The following P3H2 variants were observed in gnomAD, a reference collection of about 807,000 sequenced individuals.
P3H2 encodes the protein prolyl 3-hydroxylase 2.
A neutral mutation model predicts 87.0 loss-of-function variants in P3H2; 80 were observed. That is an observed-to-expected ratio of 0.92 (90% CI 0.77 to 1.11). The LOEUF (loss-of-function observed/expected upper bound fraction) is 1.11. Among genes scored for constraint, P3H2 ranks in the 50% least tolerant of loss-of-function variants. The pLI is 0.00. For missense variants in P3H2, 1,001 were observed against 923.9 expected (o/e 1.08, Z -1.08); for synonymous variants, 367 against 359.3 (o/e 1.02, Z -0.24).
chr3:190,116,240 A>T (rs1359148642), intron 1 of P3H2, among the ~76,000 whole-genome samples: 1 of 152,206 alleles, frequency 6.6e-6, no homozygotes, highest in Non-Finnish European at 1.5e-5. Context: ...CATGTAGAAG[A>T]GGAAGAGGAA....
intron 14 of P3H2, 92 bp from the exon 15 acceptor site, chr3:189,958,096 G>A: frequency 3.4e-6 from 3 of 887,260 alleles, no homozygotes; most frequent in Non-Finnish European, 5.7e-6. Context: ...GCATCCATCT[G>A]TACATGGGTT....
At chr3:189,980,911 T>A (rs942288769) in intron 8 of P3H2, among the ~76,000 whole-genome samples, 1 of 152,228 alleles carries the variant, frequency 6.6e-6, no homozygotes, top group African/African-American at 2.4e-5. Flanking sequence ...GTGAAACTTT[T>A]AGCCCCACCC....
In P3H2 at chr3:190,116,368, C is replaced by T. The variant is rs914743618; in HGVS notation, c.480+3884G>A. On this transcript the variant is annotated intron_variant, in intron 1 of 14. Coordinates refer to ENST00000319332, the MANE Select transcript of P3H2 (RefSeq NM_018192.4). ...TCTTAAACTTAACTTAAAATAGGAA[C>T]GTAGGCCCCATTATTTCCCCATTTT... Among the ~76,000 whole-genome samples the T allele has an allele frequency of 3.1e-4, 47 of 152,224 alleles. 1 individual carries two copies. The highest frequency in any genetic ancestry group is 1.1e-3 in the African/African-American group (45 of 41,516).
intron 4 of P3H2, among the ~76,000 whole-genome samples, chr3:189,988,578 AAAT>A (rs1723778634): frequency 6.6e-6 from 1 of 152,206 alleles, no homozygotes; most frequent in African/African-American, 2.4e-5. Context: ...CCAGGATAAT[AAAT>A]AATGTTTTGT....
chr3:190,051,235 G>C (rs6768406), intron 1 of P3H2, among the ~76,000 whole-genome samples: 35,524 of 152,162 alleles, frequency 0.23, 7,109 homozygotes, highest in African/African-American at 0.55. Context: ...GATGAGAAAA[G>C]AGTGAAGAGG....
chr3:190,040,617 A>G (rs1725576648), intron 1 of P3H2, among the ~76,000 whole-genome samples: 2 of 152,178 alleles, frequency 1.3e-5, no homozygotes. Flanking sequence ...GAATGGTGAT[A>G]ATATTGCCTT....
At chr3:190,064,952 T>C (rs1260957199) in intron 1 of P3H2, among the ~76,000 whole-genome samples, 3 of 152,114 alleles carry the variant, frequency 2.0e-5, no homozygotes, top group Non-Finnish European at 4.4e-5. Flanking sequence ...GCTAATTCCA[T>C]CTTCTAGGAA....
chr3:189,971,934 G>A lies in P3H2; in HGVS notation c.1773C>T (p.Asn591=), dbSNP rs75714029. The change falls in exon 12 of 15, where the codon AAC becomes AAT. Residue 591 remains asparagine, a synonymous_variant. Transcript: ENST00000319332. ...AAGCAGGAGGCTCCTTCCAGCATTCGTTGGCCTCTGGATCCAACAAACAGT... is the reference window on the plus strand; with the variant it reads ...AAGCAGGAGGCTCCTTCCAGCATTCATTGGCCTCTGGATCCAACAAACAGT... ...ADNCLLDPEA[N]ECWKEPPAYT... is the part of the protein sequence containing the mutation. 507 of 1,613,390 alleles carry A rather than the reference G, an allele frequency of 3.1e-4. No homozygotes were observed. The African/African-American group carries it at 3.6e-3, about 11-fold the overall frequency.
At chr3:190,097,333 A>G (rs1727619130) in intron 1 of P3H2, among the ~76,000 whole-genome samples, 1 of 152,204 alleles carries the variant, frequency 6.6e-6, no homozygotes, top group Admixed American at 6.5e-5. Context: ...TTTCCCCAAT[A>G]CTGATTCTTC....
At chr3:190,089,327 C>T (rs1727336276) in intron 1 of P3H2, among the ~76,000 whole-genome samples, 1 of 152,098 alleles carries the variant, frequency 6.6e-6, no homozygotes, top group Non-Finnish European at 1.5e-5. Context: ...ATGTAACAAA[C>T]CTGCACGTTG....
At chr3:189,976,086 A>C (rs1214614431) in intron 8 of P3H2, among the ~76,000 whole-genome samples, 1 of 34,970 alleles carries the variant, frequency 2.9e-5, no homozygotes, top group African/African-American at 7.1e-5. Flanking sequence ...TTCTGAAAAT[A>C]AAAAGCTACC....
At chr3:190,064,652 G>A (rs139259808) in intron 1 of P3H2, among the ~76,000 whole-genome samples, 1,575 of 152,126 alleles carry the variant, frequency 0.01, 11 homozygotes, top group Middle Eastern at 0.027. Context: ...GCAAAAATGG[G>A]TATATCTGAG....
At chr3:190,036,168 T>C (rs911599256) in intron 1 of P3H2, among the ~76,000 whole-genome samples, 1 of 152,204 alleles carries the variant, frequency 6.6e-6, no homozygotes, top group African/African-American at 2.4e-5. Context: ...AGTCACAGTT[T>C]GTCTCCCTTT....
At chr3:190,057,764 A>C (rs1455865285) in intron 1 of P3H2, among the ~76,000 whole-genome samples, 1 of 152,182 alleles carries the variant, frequency 6.6e-6, no homozygotes, top group East Asian at 1.9e-4. Context: ...GGCTACTAAG[A>C]GCATTTTTCC....
At chr3:190,036,912 G>C (rs939837122) in intron 1 of P3H2, among the ~76,000 whole-genome samples, 1 of 150,056 alleles carries the variant, frequency 6.7e-6, no homozygotes, top group Non-Finnish European at 1.5e-5. Context: ...ATCATTCTTT[G>C]AGAAACTATG....
At chr3:190,028,916 G>A (rs570510792) in intron 1 of P3H2, among the ~76,000 whole-genome samples, 1 of 152,324 alleles carries the variant, frequency 6.6e-6, no homozygotes, top group South Asian at 2.1e-4. Context: ...AGGATGATAT[G>A]TTTGTACTTG....
chr3:189,986,585 A>G (rs896029436), intron 6 of P3H2, among the ~76,000 whole-genome samples: 5 of 152,134 alleles, frequency 3.3e-5, no homozygotes, highest in Non-Finnish European at 5.9e-5. Flanking sequence ...GCGAGACTCC[A>G]TCTCAAAATA....
chr3:189,993,588 T>A (rs182522686), intron 3 of P3H2, among the ~76,000 whole-genome samples: 238 of 152,218 alleles, frequency 1.6e-3, no homozygotes, highest in African/African-American at 5.1e-3. Flanking sequence ...TAAAACATTT[T>A]AAGTAGTTGA....
chr3:189,983,385 A>G (rs953947635), intron 7 of P3H2: 1 of 514,656 alleles, frequency 1.9e-6, no homozygotes, highest in Non-Finnish European at 3.5e-6. Flanking sequence ...AATTGTATGC[A>G]TAACATAACT....
Sources: allele counts gnomAD v4.1 joint callset (sites outside exome capture counted in the v4.1 genomes callset), GRCh38; gene constraint gnomAD v4.1.1; transcripts MANE v1.5; gene names NCBI Gene and HGNC (gene_info 2026-07-23, HGNC 2026-07-21).